Variants in GATA5 observed in about 807,000 individuals in gnomAD.
The protein encoded by GATA5 is transcription factor GATA-5.
GATA5 carries 27 observed loss-of-function variants against 35.0 expected under a neutral mutation model. That is an observed-to-expected ratio of 0.77 (90% CI 0.57 to 1.06). The LOEUF is 1.06. GATA5 is among the 50% of genes least tolerant of loss of function. GATA5 has a pLI of 0.00. For synonymous variants in GATA5, 306 were observed against 267.8 expected (o/e 1.14, Z -1.39); for missense variants, 612 against 580.0 (o/e 1.06, Z -0.57).
In GATA5 at chr20:62,470,823, G is replaced by A. The variant is rs536673930; in HGVS notation, c.699+2580C>T. On this transcript the variant is annotated intron_variant, in intron 3 of 6. Coordinates refer to ENST00000252997, the MANE Select transcript of GATA5 (RefSeq NM_080473.5). The surrounding 1 kb of genome is among the most constrained non-coding windows in gnomAD (Gnocchi z 4.6). Reference sequence around the variant, plus strand: ...GAGCCAGACCATGGGGAGAGGGCACGGTGGTCCCTACCCTCCGAGGCCTCT... The same window carrying A: ...GAGCCAGACCATGGGGAGAGGGCACAGTGGTCCCTACCCTCCGAGGCCTCT... 3.3e-5 allele frequency among the ~76,000 whole-genome samples: 5 copies of A among 152,150 alleles called. No homozygotes were observed. In the East Asian group the frequency reaches 5.8e-4, roughly 18 times the overall value.
chr20:62,474,842 C>G (rs546828252), intron 2 of GATA5, among the ~76,000 whole-genome samples, 157 bp downstream of exon 2: 13 of 152,268 alleles, frequency 8.5e-5, no homozygotes, highest in Non-Finnish European at 1.8e-4. Context: ...CGGGGTGTTA[C>G]CCAGGTTTAC....
rs200526937 is a variant in GATA5, at chr20:62,465,436, T to G, written c.942A>C (p.Pro314=). 4 of 1,609,024 alleles carry G rather than the reference T, an allele frequency of 2.5e-6. No individual in the cohort carries two copies. Among genetic ancestry groups the G allele is most frequent in the Non-Finnish European group, 3.4e-6 (4 of 1,179,660 alleles). ...SGSTRNASAS[P]SAVASTDSSA... ...AGCTGTCAGTGCTGGCGACAGCAGA[T>G]GGGGAGGCCGAGGCATTCCTTGTGG... Residue 314 remains proline, a synonymous_variant, in exon 6 of 7, where the codon CCA becomes CCC. Transcript: ENST00000252997.
rs1173762787 is a variant in GATA5, at chr20:62,475,454, A to G, written c.68T>C (p.Leu23Pro). 1.5e-6 allele frequency: 2 copies of G among 1,343,398 alleles called. No individual in the cohort carries two copies. The highest frequency in any genetic ancestry group is 2.1e-5 in the South Asian group (1 of 47,618). The allele number at this position is 1,343,398 out of a possible 1,614,324, so 83.2% of individuals were successfully genotyped here. ...QAAYADSGSFLHAPGAGSPMF... is the reference protein window; with the variant it reads ...QAAYADSGSFPHAPGAGSPMF... ...CGGAGAGCCGGCGCCCGGAGCGTGC[A>G]GGAAGGAGCCCGAGTCGGCGTAGGC... The change falls in exon 2 of 7, where the codon CTG (leucine) becomes CCG (proline). Residue 23 changes from leucine (L) to proline (P), a missense_variant. Leu to Pro is a moderately conservative substitution (Grantham distance 98). Transcript: ENST00000252997.
chr20:62,471,432 A>ATTTTTTTT lies in GATA5; in HGVS notation c.699+1963_699+1970dup, dbSNP rs574764628. On this transcript the variant is annotated intron_variant, in intron 3 of 6. Coordinates refer to ENST00000252997, the MANE Select transcript of GATA5 (RefSeq NM_080473.5). ...TAAAGAGAAGTTAATTTCAATTACA[A>ATTTTTTTT]TTTTTTTTTTTTTTTTTGTGATGAG... Among the ~76,000 whole-genome samples the ATTTTTTTT allele has an allele frequency of 3.0e-3, 245 of 81,718 alleles. 36 individuals carry two copies. Among genetic ancestry groups the ATTTTTTTT allele is most frequent in the East Asian group, 7.0e-3 (20 of 2,864 alleles). 53.6% of individuals were successfully genotyped at this position (81,718 alleles called of 152,430 possible).
Position 62,464,827 on chromosome 20 carries a change from C to G in GATA5, c.*9G>C. The G allele has an allele frequency of 6.3e-7, 1 of 1,581,774 alleles. No individual in the cohort carries two copies. Among genetic ancestry groups the G allele is most frequent in the Non-Finnish European group, 8.6e-7 (1 of 1,162,584 alleles). ...AGGCTGTTCCCCTGACATGGGCTGG[C>G]CTGGGGACCTAGGCCAAGGCCAGCG... On this transcript the variant is annotated 3_prime_UTR_variant, in exon 7 of 7. Transcript: ENST00000252997.
intron 2 of GATA5, 61 bp from the exon 3 acceptor site, chr20:62,473,639 A>C: frequency 6.7e-7 from 1 of 1,497,370 alleles, no homozygotes; most frequent in East Asian, 2.5e-5. Flanking sequence ...TCCCCAGCTC[A>C]TGGGCCGGCA....
At chr20:62,474,482 G>A (rs1337347214) in intron 2 of GATA5, among the ~76,000 whole-genome samples, 4 of 152,342 alleles carry the variant, frequency 2.6e-5, no homozygotes, top group African/African-American at 9.6e-5. Context: ...GGGCCCCTGC[G>A]GAGCTCAGAG....
intron 5 of GATA5, 38 bp downstream of exon 5, chr20:62,465,796 C>A: frequency 6.7e-7 from 1 of 1,493,996 alleles, no homozygotes; most frequent in South Asian, 1.2e-5. Flanking sequence ...AAGGCCACTC[C>A]GCAGGAGCGG....
intron 5 of GATA5, among the ~76,000 whole-genome samples, 165 bp from the exon 6 acceptor site, chr20:62,465,629 C>T (rs771082087): frequency 1.2e-4 from 18 of 152,008 alleles, no homozygotes; most frequent in Admixed American, 2.0e-4. Flanking sequence ...TCTTTGGCCC[C>T]ACCTCTGCCC....
At chr20:62,473,891 C>T (rs1989785386) in intron 2 of GATA5, among the ~76,000 whole-genome samples, 1 of 152,168 alleles carries the variant, frequency 6.6e-6, no homozygotes, top group African/African-American at 2.4e-5. Context: ...CAGCACTGGC[C>T]TCTGCCTGTT....
At chr20:62,469,066 C>G (rs1250385779) in intron 3 of GATA5, among the ~76,000 whole-genome samples, 4 of 152,230 alleles carry the variant, frequency 2.6e-5, no homozygotes, top group Admixed American at 6.5e-5. Context: ...GGCCTCAGGC[C>G]ACTGTCCAGC....
chr20:62,464,794 T>C lies in GATA5; in HGVS notation c.*42A>G. 6.6e-7 allele frequency: 1 copy of C among 1,504,892 alleles called. No individual in the cohort carries two copies. The highest frequency in any genetic ancestry group is 1.3e-5 in the South Asian group (1 of 77,570). 93.2% of individuals were successfully genotyped at this position (1,504,892 alleles called of 1,614,324 possible). ...GGCACGGAGGTGACTCAGTGGGTGGTCTGTTCCAGGCTGTTCCCCTGACAT... is the reference window on the plus strand; with the variant it reads ...GGCACGGAGGTGACTCAGTGGGTGGCCTGTTCCAGGCTGTTCCCCTGACAT... On this transcript the variant is annotated 3_prime_UTR_variant, in exon 7 of 7. Transcript: ENST00000252997.
chr20:62,465,166 A>G (rs1035740087), intron 6 of GATA5, among the ~76,000 whole-genome samples, 174 bp downstream of exon 6: 2 of 152,270 alleles, frequency 1.3e-5, no homozygotes, highest in Admixed American at 6.5e-5. Flanking sequence ...TTTCTCCCAC[A>G]TCTGGCACAG....
Position 62,475,015 on chromosome 20 carries a change from G to C in GATA5, c.507C>G (p.Gly169=). The change falls in exon 2 of 7, where the codon GGC becomes GGG. Residue 169 remains glycine (G), a synonymous_variant. Transcript: ENST00000252997. ...CGCACTCACCGAAGGTGGGCCTGCG[G>C]CCTGGGAGGCCGTGCAGGACGCTGC... ...FDGSVLHGLP[G]RRPTFVSDFL... 1 of 1,363,382 alleles carries C rather than the reference G, an allele frequency of 7.3e-7. No homozygotes were observed. The allele number at this position is 1,363,382 out of a possible 1,614,324, so 84.5% of individuals were successfully genotyped here.
At chr20:62,474,899 G>C (rs566710755) in intron 2 of GATA5, 100 bp downstream of exon 2, 1 of 1,076,774 alleles carries the variant, frequency 9.3e-7, no homozygotes, top group Middle Eastern at 3.4e-4. Flanking sequence ...AGGGAGGCTC[G>C]GACCGTGGGG....
chr20:62,467,931 C>G (rs577083374), intron 3 of GATA5, among the ~76,000 whole-genome samples: 18 of 151,296 alleles, frequency 1.2e-4, no homozygotes, highest in Non-Finnish European at 2.5e-4. Context: ...CTGTCTGTTA[C>G]AGCCCACCTC....
chr20:62,473,418 C>T lies in GATA5; in HGVS notation c.684G>A (p.Arg228=), dbSNP rs781876016. ...CCGAACTCACCAGGCGCTTCTGAGG[C>T]CGAACGAGCGGCCGGTTGACGCCAT... The part of the protein sequence containing the change: ...KMNGVNRPLV[R]PQKRLSSSRR... Residue 228 remains arginine, a synonymous_variant, in exon 3 of 7, where the codon CGG becomes CGA. Coordinates refer to ENST00000252997, the MANE Select transcript of GATA5 (RefSeq NM_080473.5). The T allele has an allele frequency of 1.9e-6, 3 of 1,607,500 alleles. No homozygotes were observed. Among genetic ancestry groups the T allele is most frequent in the South Asian group, 1.1e-5 (1 of 90,066 alleles).
At chr20:62,473,265 C>G (rs1017977174) in intron 3 of GATA5, 138 bp downstream of exon 3, 1 of 918,016 alleles carries the variant, frequency 1.1e-6, no homozygotes, top group African/African-American at 1.7e-5. Context: ...CCTGACCCAC[C>G]GGGGCGGGCA....
intron 3 of GATA5, among the ~76,000 whole-genome samples, chr20:62,471,432 A>ATTTTTTTTTTTGTTTTTT (rs1989717934): frequency 1.2e-5 from 1 of 81,746 alleles, no homozygotes; most frequent in Non-Finnish European, 2.4e-5. Flanking sequence ...TTCAATTACA[A>ATTTTTTTTTTTGTTTTTT]TTTTTTTTTT....
Sources: allele counts gnomAD v4.1 joint callset (sites outside exome capture counted in the v4.1 genomes callset), GRCh38; gene constraint gnomAD v4.1.1; non-coding constraint Gnocchi (gnomAD v3.1); transcripts MANE v1.5; gene names NCBI Gene and HGNC (gene_info 2026-07-23, HGNC 2026-07-21).